Variants in ARHGAP15 observed in about 807,000 individuals in gnomAD.
ARHGAP15 encodes the protein Rho GTPase activating protein 15, also known as rho GTPase-activating protein 15.
In ARHGAP15, 51 loss-of-function variants were observed where a neutral mutation model predicts 63.7. The observed-to-expected ratio is 0.80, with a 90% confidence interval of 0.64 to 1.01. The LOEUF (loss-of-function observed/expected upper bound fraction) is 1.01. ARHGAP15 is among the 50% of genes least tolerant of loss of function. ARHGAP15 has a pLI of 0.00. For missense variants in ARHGAP15, 560 were observed against 564.6 expected, an observed-to-expected ratio of 0.99 and a Z score of 0.08; for synonymous variants, 191 against 193.8, an observed-to-expected ratio of 0.99 and a Z score of 0.12.
intron 2 of ARHGAP15, among the ~76,000 whole-genome samples, chr2:143,176,978 G>A (rs897877215): frequency 6.6e-6 from 1 of 152,170 alleles, no homozygotes; most frequent in Non-Finnish European, 1.5e-5. Context: ...CCAGGAGCCA[G>A]TGTTCCAAGA....
intron 11 of ARHGAP15, among the ~76,000 whole-genome samples, chr2:143,558,832 A>G (rs1265428860): frequency 6.6e-6 from 1 of 152,172 alleles, no homozygotes; most frequent in African/African-American, 2.4e-5. Flanking sequence ...GTTGATTGCA[A>G]TACTTTTGGC....
chr2:143,717,261 G>T (rs567455240), intron 13 of ARHGAP15, among the ~76,000 whole-genome samples: 1 of 152,234 alleles, frequency 6.6e-6, no homozygotes, highest in Non-Finnish European at 1.5e-5. Context: ...TGTTTGGGGA[G>T]CATTGCTGTT....
At chr2:143,153,243 A>G (rs1479917436) in intron 1 of ARHGAP15, among the ~76,000 whole-genome samples, 1 of 151,974 alleles carries the variant, frequency 6.6e-6, no homozygotes. Flanking sequence ...TCATCCACCA[A>G]TATTACAAAC....
At chr2:143,420,764 G>A (rs1250493004) in intron 6 of ARHGAP15, among the ~76,000 whole-genome samples, 1 of 152,098 alleles carries the variant, frequency 6.6e-6, no homozygotes, top group Non-Finnish European at 1.5e-5. Flanking sequence ...AGAAGACCAT[G>A]GAGTCTTATT....
chr2:143,720,873 T>C (rs2105462414), intron 13 of ARHGAP15, among the ~76,000 whole-genome samples: 1 of 151,952 alleles, frequency 6.6e-6, no homozygotes, highest in South Asian at 2.1e-4. Flanking sequence ...ATCAAGACCA[T>C]CCTGGCTAAC....
In ARHGAP15 at chr2:143,380,674, C is replaced by CTT. The variant is rs372221141; in HGVS notation, c.475-54926_475-54925dup. Among the ~76,000 whole-genome samples, 148 of 152,226 alleles carry CTT rather than the reference C, an allele frequency of 9.7e-4. 1 individual carries two copies. Among genetic ancestry groups the CTT allele is most frequent in the African/African-American group, 3.4e-3 (142 of 41,546 alleles). ...TCTGGTTAAATAGTTGCTGCGCTTCCTTGTATATACATAAAATGAAGCCTT... is the reference window on the plus strand; with the variant it reads ...TCTGGTTAAATAGTTGCTGCGCTTCCTTTTGTATATACATAAAATGAAGCCTT... On this transcript the variant is annotated intron_variant, in intron 6 of 13. Coordinates refer to ENST00000295095, the MANE Select transcript of ARHGAP15 (RefSeq NM_018460.4).
intron 12 of ARHGAP15, among the ~76,000 whole-genome samples, chr2:143,668,672 GTTA>G (rs1370280562): frequency 2.8e-4 from 43 of 152,308 alleles, no homozygotes; most frequent in African/African-American, 1.0e-3. Context: ...TCATCTGTCA[GTTA>G]TTTTCTTGTC....
chr2:143,602,338 G>T (rs1697805855), intron 11 of ARHGAP15, among the ~76,000 whole-genome samples: 1 of 152,152 alleles, frequency 6.6e-6, no homozygotes, highest in Admixed American at 6.6e-5. Flanking sequence ...GAGATTCATG[G>T]TTCTTGGGTC....
chr2:143,487,343 C>A lies in ARHGAP15; in HGVS notation c.704-30C>A, dbSNP rs750060773. ...TAATAATCATAAAGGAGAAATTTAC[C>A]AAAAGCCTCTGATTTTTTTAAATCT... On this transcript the variant is annotated intron_variant, in intron 8 of 13. Coordinates refer to ENST00000295095, the MANE Select transcript of ARHGAP15 (RefSeq NM_018460.4). The A allele has an allele frequency of 2.1e-5, 33 of 1,581,100 alleles. No individual in the cohort carries two copies. The Middle Eastern group carries it at 5.1e-4, about 25-fold the overall frequency.
intron 2 of ARHGAP15, among the ~76,000 whole-genome samples, chr2:143,178,875 T>C (rs1434071740): frequency 1.3e-5 from 2 of 152,252 alleles, no homozygotes; most frequent in African/African-American, 2.4e-5. Flanking sequence ...AAATGCAATA[T>C]AGAATTGCTT....
At chr2:143,544,405 G>A (rs1344781955) in intron 10 of ARHGAP15, among the ~76,000 whole-genome samples, 1 of 152,014 alleles carries the variant, frequency 6.6e-6, no homozygotes, top group African/African-American at 2.4e-5. Context: ...ATTTCAATCT[G>A]TGTCATAATG....
At chr2:143,232,485 A>C (rs1324319380) in intron 5 of ARHGAP15, among the ~76,000 whole-genome samples, 1 of 152,218 alleles carries the variant, frequency 6.6e-6, no homozygotes, top group Non-Finnish European at 1.5e-5. Flanking sequence ...TCATATTTTT[A>C]ATGTATTTTT....
chr2:143,151,605 G>T (rs1464393348), intron 1 of ARHGAP15, among the ~76,000 whole-genome samples: 1 of 151,924 alleles, frequency 6.6e-6, no homozygotes, highest in Non-Finnish European at 1.5e-5. Flanking sequence ...ATGGATGATG[G>T]AAATTTTTAT....
At chr2:143,614,158 G>A (rs1208714388) in intron 11 of ARHGAP15, among the ~76,000 whole-genome samples, 3 of 152,082 alleles carry the variant, frequency 2.0e-5, no homozygotes, top group Non-Finnish European at 4.4e-5. Context: ...ACTGCTCATC[G>A]TTTAAGATCA....
chr2:143,593,449 C>G (rs892956624), intron 11 of ARHGAP15: 8 of 152,102 alleles, frequency 5.3e-5, no homozygotes, highest in Non-Finnish European at 7.3e-5. Flanking sequence ...GCATTCACAT[C>G]TGGGAATTAT....
At chr2:143,265,159 A>G (rs16858943) in intron 6 of ARHGAP15, among the ~76,000 whole-genome samples, 5,925 of 152,192 alleles carry the variant, frequency 0.039, 355 homozygotes, top group African/African-American at 0.14. Flanking sequence ...CAGGGTGTTC[A>G]GAGTCTTCAA....
intron 13 of ARHGAP15, among the ~76,000 whole-genome samples, chr2:143,755,661 C>CT (rs1686549938): frequency 6.6e-6 from 1 of 152,100 alleles, no homozygotes; most frequent in Non-Finnish European, 1.5e-5. Context: ...TACTGTGTCC[C>CT]TCTTAAAGTC....
rs180876441 is a variant in ARHGAP15 at position 143,458,024 on chromosome 2, A to T, written c.703+20982A>T. ...ATGTAAAACAAAAAAATATTATTGCACTAAAAGTTATTTGGAAAGTAGTCT... is the reference window on the plus strand; with the variant it reads ...ATGTAAAACAAAAAAATATTATTGCTCTAAAAGTTATTTGGAAAGTAGTCT... On this transcript the variant is annotated intron_variant, in intron 8 of 13. Coordinates refer to ENST00000295095, the MANE Select transcript of ARHGAP15 (RefSeq NM_018460.4). Among the ~76,000 whole-genome samples, 5 of 152,234 alleles carry T rather than the reference A, an allele frequency of 3.3e-5. No individual in the cohort carries two copies. In the East Asian group the frequency reaches 9.6e-4, roughly 29 times the overall value.
intron 6 of ARHGAP15, among the ~76,000 whole-genome samples, chr2:143,418,543 C>T (rs1688780113): frequency 6.6e-6 from 1 of 151,976 alleles, no homozygotes; most frequent in Admixed American, 6.6e-5. Flanking sequence ...ATCAAATTCC[C>T]AATAGGATCT....
Sources: allele counts gnomAD v4.1 joint callset (sites outside exome capture counted in the v4.1 genomes callset), GRCh38; gene constraint gnomAD v4.1.1; transcripts MANE v1.5; gene names NCBI Gene and HGNC (gene_info 2026-07-23, HGNC 2026-07-21).